LTF: variants seen among roughly 807,000 people sequenced by gnomAD.
LTF encodes the protein lactotransferrin.
A neutral mutation model predicts 87.2 loss-of-function variants in LTF; 91 were observed. The observed-to-expected ratio is 1.04, with a 90% CI of 0.88 to 1.24. The LOEUF (loss-of-function observed/expected upper bound fraction) is 1.24. LTF is among the 50% of genes most tolerant of loss of function. The pLI is 0.00. For synonymous variants in LTF, 378 were observed against 356.1 expected (o/e 1.06, Z -0.69); for missense variants, 901 against 904.3 (o/e 1.00, Z 0.05).
At chr3:46,472,084 A>ACCCTTCCCTCCCTTCTCC (rs1703297723) in intron 1 of LTF, among the ~76,000 whole-genome samples, 2 of 150,286 alleles carry the variant, frequency 1.3e-5, no homozygotes, top group African/African-American at 2.5e-5. Flanking sequence ...CTCCCTTCTC[A>ACCCTTCCCTCCCTTCTCC]CCCTTCCCTC....
At chr3:46,449,151 T>A in intron 8 of LTF, 134 bp from the exon 9 acceptor site, 1 of 725,288 alleles carries the variant, frequency 1.4e-6, no homozygotes, top group Non-Finnish European at 2.1e-6. Flanking sequence ...TGTGGACCCA[T>A]ACCCTCTCCT....
At chr3:46,468,358 C>G (rs879198777), upstream of LTF, 1 of 456,254 alleles carries the variant, frequency 2.2e-6, no homozygotes, top group Admixed American at 2.3e-5. Flanking sequence ...AATGCTGAGA[C>G]AGTAACATGA....
intron 13 of LTF, chr3:46,441,928 AGAGAGAGTGTGTGTGTGTGTGTGT>A (rs1211673537): frequency 6.4e-4 from 56 of 87,406 alleles, no homozygotes; most frequent in Admixed American, 1.5e-3. Context: ...AGAGAGAGAG[AGAGAGAGTGTGTGTGTGTGTGTGT>A]GTGTGTGTGT....
At chr3:46,442,466 T>C (rs1243259151) in intron 13 of LTF, among the ~76,000 whole-genome samples, 4 of 152,142 alleles carry the variant, frequency 2.6e-5, no homozygotes, top group Non-Finnish European at 5.9e-5. Flanking sequence ...AATGTGGGTG[T>C]TTCCAGTGAA....
chr3:46,458,840 C>G (rs1439025743), intron 2 of LTF, among the ~76,000 whole-genome samples: 1 of 152,236 alleles, frequency 6.6e-6, no homozygotes, highest in Non-Finnish European at 1.5e-5. Context: ...CTCCAAAGTG[C>G]TGAAATTACG....
intron 1 of LTF, among the ~76,000 whole-genome samples, chr3:46,482,567 AGG>A: frequency 7.7e-6 from 1 of 129,428 alleles, no homozygotes; most frequent in Non-Finnish European, 1.7e-5. Flanking sequence ...AGGGAAGGGA[AGG>A]GAAAGGAAAG....
In LTF at chr3:46,459,632, A is replaced by T. The variant is rs749069222; in HGVS notation, c.207+24T>A. 4 of 1,405,160 alleles carry T rather than the reference A, an allele frequency of 2.8e-6. No homozygotes were observed. In the African/African-American group the frequency reaches 6.0e-5, roughly 21 times the overall value. 87.0% of individuals were successfully genotyped at this position (1,405,160 alleles called of 1,614,324 possible). A position where few individuals can be genotyped will look rare whatever the true frequency, so the allele number is the denominator to read the frequency against. On this transcript the variant is annotated intron_variant, in intron 2 of 16. Transcript: ENST00000231751. ...TCTCCCTTCCATTCAGCTTGGTCCC[A>T]ACCAACACCCGGCATTGACTCACCG...
At chr3:46,478,411 G>A (rs536525132) in intron 1 of LTF, among the ~76,000 whole-genome samples, 2 of 152,192 alleles carry the variant, frequency 1.3e-5, no homozygotes, top group Non-Finnish European at 2.9e-5. Flanking sequence ...GCTGAAGGTC[G>A]CTATGTTGGT....
intron 13 of LTF, among the ~76,000 whole-genome samples, chr3:46,442,225 G>A (rs1345558792): frequency 2.0e-5 from 3 of 152,102 alleles, no homozygotes; most frequent in Admixed American, 1.3e-4. Flanking sequence ...CTGTGGTTGT[G>A]TGGTGGAAAA....
intron 1 of LTF, among the ~76,000 whole-genome samples, chr3:46,472,434 A>T (rs1279853040): frequency 6.7e-6 from 1 of 150,250 alleles, no homozygotes; most frequent in Non-Finnish European, 1.5e-5. Context: ...ATCCTAAGCA[A>T]AGTCTTCCTC....
chr3:46,455,169 T>C (rs1289616054), intron 5 of LTF, 126 bp downstream of exon 5: 3 of 1,131,862 alleles, frequency 2.7e-6, no homozygotes, highest in Non-Finnish European at 3.9e-6. Context: ...CACACAGCAG[T>C]AGGAGAACAG....
chr3:46,448,522 T>C (rs137895522), intron 9 of LTF, among the ~76,000 whole-genome samples: 2,479 of 152,326 alleles, frequency 0.016, 127 homozygotes, highest in Admixed American at 0.11. Flanking sequence ...AATACTGGAA[T>C]GGAGAATTAG....
intron 13 of LTF, chr3:46,441,974 T>C (rs1702532932): frequency 8.3e-6 from 1 of 120,012 alleles, no homozygotes; most frequent in Non-Finnish European, 1.8e-5. Flanking sequence ...TGTGTGTGTG[T>C]GTGTGTGTGT....
At chr3:46,439,685 A>G (rs1702469193) in intron 14 of LTF, among the ~76,000 whole-genome samples, 1 of 152,336 alleles carries the variant, frequency 6.6e-6, no homozygotes, top group African/African-American at 2.4e-5. Context: ...CATGCAATGG[A>G]ATGTTATTCA....
At chr3:46,457,291 A>G (rs981864822) in intron 2 of LTF, among the ~76,000 whole-genome samples, 10 of 152,226 alleles carry the variant, frequency 6.6e-5, no homozygotes, top group African/African-American at 1.9e-4. Context: ...TAGACAGCAT[A>G]ATGTTTTCTC....
At chr3:46,443,798 A>G (rs1380658063) in intron 12 of LTF, among the ~76,000 whole-genome samples, 2 of 152,266 alleles carry the variant, frequency 1.3e-5, no homozygotes, top group Admixed American at 1.3e-4. Flanking sequence ...TGGACACCCA[A>G]CTAAGGCTGG....
intron 11 of LTF, among the ~76,000 whole-genome samples, chr3:46,446,141 G>A (rs1159169021): frequency 6.6e-6 from 1 of 152,124 alleles, no homozygotes; most frequent in Non-Finnish European, 1.5e-5. Flanking sequence ...TGGGCACTTG[G>A]GGACTCTCGG....
At chr3:46,483,216 A>C (rs1475355171) in intron 1 of LTF, among the ~76,000 whole-genome samples, 1 of 152,208 alleles carries the variant, frequency 6.6e-6, no homozygotes, top group Non-Finnish European at 1.5e-5. Flanking sequence ...AATCCCTGAC[A>C]ATGTTAACAG....
chr3:46,454,335 C>A lies in LTF; in HGVS notation c.673G>T (p.Val225Leu). The A allele has an allele frequency of 1.9e-6, 3 of 1,614,156 alleles. No individual in the cohort carries two copies. The highest frequency in any genetic ancestry group is 2.5e-6 in the Non-Finnish European group (3 of 1,179,990). Residue 225 changes from valine to leucine, a missense_variant, in exon 6 of 17, where the codon GTG becomes TTG. By Grantham distance (32) the Val-to-Leu change is conservative (BLOSUM62 1). Coordinates refer to ENST00000231751, the MANE Select transcript of LTF (RefSeq NM_002343.6). ...FKCLRDGAGD[V>L]AFIRESTVFE... ...ACTGTGCTCTCTCTGATAAAAGCCA[C>A]GTCTCCAGCCCCGTCTCTCAGACAC...
Sources: gnomAD v4.1 joint callset for allele counts (sites outside exome capture counted in the v4.1 genomes callset) on GRCh38, gnomAD v4.1.1 for gene constraint, MANE v1.5 for transcripts, NCBI Gene and HGNC (gene_info 2026-07-23, HGNC 2026-07-21) for gene names.